The following USH2A variants were observed in gnomAD, a reference collection of about 807,000 sequenced individuals.
The protein encoded by USH2A is Usher syndrome 2A (autosomal recessive, mild).
USH2A carries 443 observed loss-of-function variants against 538.9 expected under a neutral mutation model. That is an observed-to-expected ratio of 0.82 (90% confidence interval 0.76 to 0.89). The LOEUF (loss-of-function observed/expected upper bound fraction) is 0.89. Among genes scored for constraint, USH2A ranks in the 40% least tolerant of loss-of-function variants. The pLI, the probability that USH2A is intolerant of heterozygous loss-of-function variation, is 0.00. For synonymous variants in USH2A, 2,413 were observed against 2,273.5 expected (o/e 1.06, Z -1.75); for missense variants, 6,633 against 6,324.8 (o/e 1.05, Z -1.65).
At chr1:215,825,502 T>C (rs1196654706) in intron 47 of USH2A, among the ~76,000 whole-genome samples, 1 of 152,224 alleles carries the variant, frequency 6.6e-6, no homozygotes, top group Non-Finnish European at 1.5e-5. Flanking sequence ...TTCACATTAC[T>C]ATTCTTTAAC....
intron 48 of USH2A, among the ~76,000 whole-genome samples, chr1:215,816,119 T>C (rs954941824): frequency 1.3e-5 from 2 of 152,054 alleles, no homozygotes; most frequent in African/African-American, 4.8e-5. Flanking sequence ...CAAATTTATT[T>C]TAGTATTTTT....
At chr1:216,069,746 G>T (rs1328437121) in intron 30 of USH2A, among the ~76,000 whole-genome samples, 1 of 152,168 alleles carries the variant, frequency 6.6e-6, no homozygotes, top group Non-Finnish European at 1.5e-5. Context: ...ACTGGGGCTA[G>T]TCCCAAAGAG....
chr1:215,909,472 G>T (rs1665720859), intron 38 of USH2A, among the ~76,000 whole-genome samples: 1 of 151,892 alleles, frequency 6.6e-6, no homozygotes, highest in African/African-American at 2.4e-5. Flanking sequence ...TGTCAGTGGA[G>T]GTCCACTCTG....
At chr1:215,761,568 A>G (rs959987102) in intron 56 of USH2A, among the ~76,000 whole-genome samples, 1 of 152,194 alleles carries the variant, frequency 6.6e-6, no homozygotes, top group African/African-American at 2.4e-5. Context: ...ATACATGTTT[A>G]ATGAGTAGAT....
At chr1:216,233,803 G>C (rs1482326120) in intron 13 of USH2A, among the ~76,000 whole-genome samples, 1 of 152,136 alleles carries the variant, frequency 6.6e-6, no homozygotes, top group Non-Finnish European at 1.5e-5. Flanking sequence ...AAAGTTATCA[G>C]GCAGTTGAAT....
At chr1:216,121,515 T>G (rs1275419515) in intron 21 of USH2A, among the ~76,000 whole-genome samples, 1 of 152,210 alleles carries the variant, frequency 6.6e-6, no homozygotes, top group Non-Finnish European at 1.5e-5. Flanking sequence ...GCTTTAATCT[T>G]CTTACTACAT....
chr1:215,956,681 C>T (rs920462428), intron 37 of USH2A, among the ~76,000 whole-genome samples: 3 of 152,178 alleles, frequency 2.0e-5, no homozygotes, highest in Non-Finnish European at 4.4e-5. Context: ...CATTACATCG[C>T]CGCCTCAACA....
At chr1:216,257,543 G>A (rs946622792) in intron 11 of USH2A, among the ~76,000 whole-genome samples, 3 of 151,552 alleles carry the variant, frequency 2.0e-5, no homozygotes, top group African/African-American at 7.3e-5. Flanking sequence ...TTATTTTTTA[G>A]TTTTCTTGAG....
Position 216,207,348 on chromosome 1 carries a change from T to C in USH2A, c.3241A>G (p.Asn1081Asp), listed in dbSNP as rs1553315006. The C allele has an allele frequency of 1.2e-6, 2 of 1,614,076 alleles. No individual in the cohort carries two copies. Among genetic ancestry groups the C allele is most frequent in the South Asian group, 1.1e-5 (1 of 91,082 alleles). The change falls in exon 16 of 72, where the codon AAT becomes GAT. Residue 1081 changes from asparagine (N) to aspartate (D), a missense_variant. Physicochemically the swap from Asn to Asp is conservative, Grantham distance 23. Transcript: ENST00000307340. ...NLSWSPPDSPNAHWLTYSLLR... is the reference protein window; with the variant it reads ...NLSWSPPDSPDAHWLTYSLLR... ...AAACTGTAAGTAAGCCAGTGGGCAT[T>C]TGGAGAATCAGGTGGACTCCAGGAG...
intron 37 of USH2A, among the ~76,000 whole-genome samples, chr1:215,947,195 C>T (rs118098705): frequency 0.032 from 4,864 of 151,912 alleles, 123 homozygotes; most frequent in South Asian, 0.083. Flanking sequence ...AGGCATGCAC[C>T]ACCACTCCTG....
rs990401649 is a variant in USH2A, at chr1:215,873,099, G to A, written c.8681+4659C>T. On this transcript the variant is annotated intron_variant, in intron 43 of 71. Transcript: ENST00000307340. ...ACACATAATATGATGACACAGAAAA[G>A]GACATCGTGTAGGGCATGTAAGGCA... Among the ~76,000 whole-genome samples the A allele has an allele frequency of 6.6e-4, 100 of 151,968 alleles. 2 individuals are homozygous for A. The highest frequency in any genetic ancestry group is 3.3e-4 in the Admixed American group (5 of 15,250).
chr1:216,196,569 G>A lies in USH2A; in HGVS notation c.4235C>T (p.Pro1412Leu). ...TAACAATACCTGTGAAAACGCCATG[G>A]GAATAGACTGTTGAGGTGATTGTTC... ...LSEQSPQQSI[P>L]MAFSQLLHTA... The change falls in exon 19 of 72, where the codon CCC (proline) becomes CTC (leucine). Residue 1412 changes from proline to leucine, a missense_variant. By Grantham distance (98) the Pro-to-Leu change is moderately conservative. Coordinates refer to ENST00000307340, the MANE Select transcript of USH2A (RefSeq NM_206933.4). 6.2e-7 allele frequency: 1 copy of A among 1,613,388 alleles called. No individual in the cohort carries two copies. The highest frequency in any genetic ancestry group is 8.5e-7 in the Non-Finnish European group (1 of 1,179,584).
chr1:216,354,708 A>G lies in USH2A; in HGVS notation c.784+10245T>C, dbSNP rs143656829. On this transcript the variant is annotated intron_variant, in intron 4 of 71. Transcript: ENST00000307340. The stretch of plus-strand genomic sequence containing the variant: ...AACTGAAACACAAAAAAGAGTGGGG[A>G]AAATGAAAACAAAGGAACAAACAAA... Among the ~76,000 whole-genome samples the G allele has an allele frequency of 3.2e-3, 488 of 152,100 alleles. 4 individuals carry two copies. The highest frequency in any genetic ancestry group is 0.011 in the African/African-American group (474 of 41,566).
At chr1:216,336,598 A>G (rs943562904) in intron 4 of USH2A, among the ~76,000 whole-genome samples, 1 of 151,552 alleles carries the variant, frequency 6.6e-6, no homozygotes, top group African/African-American at 2.4e-5. Flanking sequence ...TAGCAATGAA[A>G]ATGCTGATAA....
chr1:215,965,708 A>G (rs1667325307), intron 36 of USH2A, among the ~76,000 whole-genome samples: 1 of 152,080 alleles, frequency 6.6e-6, no homozygotes, highest in East Asian at 1.9e-4. Flanking sequence ...GCTATTTGTG[A>G]TTTCCAGAAT....
intron 44 of USH2A, among the ~76,000 whole-genome samples, chr1:215,856,404 G>C (rs1395093159): frequency 2.6e-5 from 4 of 152,060 alleles, no homozygotes; most frequent in African/African-American, 9.7e-5. Flanking sequence ...CTCAAAAGAA[G>C]AATGGCCAAG....
intron 61 of USH2A, among the ~76,000 whole-genome samples, chr1:215,695,874 C>CTAG: frequency 6.6e-6 from 1 of 152,222 alleles, no homozygotes; most frequent in Admixed American, 6.5e-5. Flanking sequence ...CCTCAGCCTC[C>CTAG]TAGTAGCTGG....
chr1:215,818,673 C>A (rs1662926440), intron 47 of USH2A, among the ~76,000 whole-genome samples: 1 of 151,760 alleles, frequency 6.6e-6, no homozygotes, highest in Non-Finnish European at 1.5e-5. Flanking sequence ...TTTGCTGTAG[C>A]AAATGAGGTC....
At chr1:216,014,005 C>T (rs1668641875) in intron 32 of USH2A, among the ~76,000 whole-genome samples, 1 of 152,118 alleles carries the variant, frequency 6.6e-6, no homozygotes, top group South Asian at 2.1e-4. Context: ...TACTGTCCAT[C>T]CCAAAGTGGA....
Sources: allele counts gnomAD v4.1 joint callset (sites outside exome capture counted in the v4.1 genomes callset), GRCh38; gene constraint gnomAD v4.1.1; transcripts MANE v1.5; gene names NCBI Gene and HGNC (gene_info 2026-07-23, HGNC 2026-07-21).